The following UBE2D2 variants were observed in gnomAD, a reference collection of about 807,000 sequenced individuals.
The protein encoded by UBE2D2 is ubiquitin-conjugating enzyme E2 D2.
A neutral mutation model predicts 24.2 loss-of-function variants in UBE2D2; 2 were observed. That is an observed-to-expected ratio of 0.08 (90% CI 0.03 to 0.26). UBE2D2 has a LOEUF of 0.26. Among genes scored for constraint, UBE2D2 ranks in the 10% least tolerant of loss-of-function variants. The pLI is 1.00. For synonymous variants in UBE2D2, 58 were observed against 56.5 expected (o/e 1.03, Z -0.12); for missense variants, 44 against 177.6 (o/e 0.25, Z 4.28).
intron 5 of UBE2D2, among the ~76,000 whole-genome samples, chr5:139,621,510 A>G (rs974751984): frequency 2.6e-5 from 4 of 152,250 alleles, no homozygotes; most frequent in African/African-American, 7.2e-5. Context: ...ATTGTTTTCA[A>G]CTGAAAATTA....
In UBE2D2 at chr5:139,550,596, T is replaced by C. The variant is rs78147393; in HGVS notation, c.-64+23984T>C. Among the ~76,000 whole-genome samples the C allele has an allele frequency of 3.9e-4, 60 of 152,134 alleles. No homozygotes were observed. In the East Asian group the frequency reaches 8.9e-3, roughly 23 times the overall value. Reference sequence around the variant, plus strand: ...TATGGGAGTTTTGTTTTTTTGATCTTTGAGATAACTTGCTGCTGCTCATTC... The same window carrying C: ...TATGGGAGTTTTGTTTTTTTGATCTCTGAGATAACTTGCTGCTGCTCATTC... On this transcript the variant is annotated intron_variant, in intron 1 of 6. Transcript: ENST00000511725.
intron 1 of UBE2D2, among the ~76,000 whole-genome samples, chr5:139,555,965 G>A (rs539498776): frequency 6.9e-6 from 1 of 144,594 alleles, no homozygotes; most frequent in African/African-American, 2.6e-5. Flanking sequence ...GGCCAGGCAC[G>A]GTGGCTCACA....
chr5:139,537,184 C>CA lies in UBE2D2; in HGVS notation c.-64+10586dup, dbSNP rs60623030. Among the ~76,000 whole-genome samples, 343 of 75,140 alleles carry CA rather than the reference C, an allele frequency of 4.6e-3. 1 individual carries two copies. Among genetic ancestry groups the CA allele is most frequent in the Middle Eastern group, 8.9e-3 (1 of 112 alleles). 49.3% of individuals were successfully genotyped at this position (75,140 alleles called of 152,430 possible). A position where few individuals can be genotyped will look rare whatever the true frequency, so the allele number is the denominator to read the frequency against. On this transcript the variant is annotated intron_variant, in intron 1 of 6. Transcript: ENST00000511725. The stretch of plus-strand genomic sequence containing the variant: ...GGAGACAGAGCGAGACTCTGTCTCA[C>CA]AAAAAAAAAAAAAACAACAAAAAGT...
At chr5:139,620,520 A>G (rs1190214387) in intron 5 of UBE2D2, among the ~76,000 whole-genome samples, 3 of 152,328 alleles carry the variant, frequency 2.0e-5, no homozygotes, top group African/African-American at 7.2e-5. Flanking sequence ...ACACCTGACA[A>G]TAGGAAAATG....
At chr5:139,625,461 T>C (rs1175998857) in intron 6 of UBE2D2, among the ~76,000 whole-genome samples, 3 of 114,968 alleles carry the variant, frequency 2.6e-5, no homozygotes, top group African/African-American at 9.7e-5. Context: ...TTTTTTTTTT[T>C]GAGGCAGGGT....
At position 139,584,128 on chromosome 5, in the gene UBE2D2, T is replaced by C. The variant is rs1053076262; in HGVS notation, c.25-16244T>C. On this transcript the variant is annotated intron_variant, in intron 1 of 6. Transcript: ENST00000398733. ...CTTCCAGTCTTGCAGACTTTGTTCA[T>C]GATGAGTGCCCTATAGAGGTGTGCC... Among the ~76,000 whole-genome samples the C allele has an allele frequency of 5.3e-5, 8 of 152,216 alleles. No homozygotes were observed. The East Asian group carries it at 1.5e-3, about 29-fold the overall frequency.
intron 1 of UBE2D2, among the ~76,000 whole-genome samples, chr5:139,532,458 T>G (rs1309360208): frequency 1.3e-5 from 2 of 151,984 alleles, no homozygotes; most frequent in East Asian, 3.9e-4. Context: ...TTCACGCCAT[T>G]CTCTTGCCTC....
chr5:139,588,911 A>G (rs1268427320), intron 1 of UBE2D2, among the ~76,000 whole-genome samples: 2 of 152,064 alleles, frequency 1.3e-5, no homozygotes, highest in Admixed American at 6.6e-5. Context: ...CCAGCGACTC[A>G]GCCTCCTGAA....
chr5:139,578,674 A>G (rs1249873579), intron 1 of UBE2D2, among the ~76,000 whole-genome samples: 2 of 152,022 alleles, frequency 1.3e-5, no homozygotes, highest in African/African-American at 4.8e-5. Context: ...GCTGCTCTCA[A>G]ACTCCTGTAT....
chr5:139,561,176 G>T (rs550433454), upstream of UBE2D2: 4 of 152,764 alleles, frequency 2.6e-5, no homozygotes, highest in African/African-American at 9.6e-5. Flanking sequence ...GCTTCGCAGC[G>T]TCACGCCCTC....
chr5:139,551,142 C>G (rs558701511), intron 1 of UBE2D2, among the ~76,000 whole-genome samples: 2 of 152,010 alleles, frequency 1.3e-5, no homozygotes, highest in Non-Finnish European at 2.9e-5. Context: ...GTCAGGAGTT[C>G]GAGACCAGCC....
At chr5:139,586,594 T>A (rs905153564) in intron 1 of UBE2D2, among the ~76,000 whole-genome samples, 2 of 152,132 alleles carry the variant, frequency 1.3e-5, no homozygotes, top group Non-Finnish European at 2.9e-5. Context: ...TGAAACCCTG[T>A]CTCTACTAAA....
At chr5:139,585,180 G>T (rs1252438647) in intron 1 of UBE2D2, among the ~76,000 whole-genome samples, 3 of 149,802 alleles carry the variant, frequency 2.0e-5, no homozygotes, top group Admixed American at 2.0e-4. Context: ...GATTACAGGT[G>T]TGAGCCACGG....
In UBE2D2 at chr5:139,600,395, C is replaced by T; in HGVS notation, c.48C>T (p.Asp16=). 6.2e-7 allele frequency: 1 copy of T among 1,614,018 alleles called. No homozygotes were observed. The highest frequency in any genetic ancestry group is 8.5e-7 in the Non-Finnish European group (1 of 1,180,000). Residue 16 remains aspartate (D), a synonymous_variant, in exon 2 of 7, where the codon GAC becomes GAT. Coordinates refer to ENST00000398733, the MANE Select transcript of UBE2D2 (RefSeq NM_003339.3). ...IHKELNDLAR[D]PPAQCSAGPV... ...AGGAATTGAATGATCTGGCACGGGACCCTCCAGCACAGTGTTCAGCAGGTC... is the reference window on the plus strand; with the variant it reads ...AGGAATTGAATGATCTGGCACGGGATCCTCCAGCACAGTGTTCAGCAGGTC...
chr5:139,594,884 T>C (rs1753928446), intron 1 of UBE2D2, among the ~76,000 whole-genome samples: 1 of 152,154 alleles, frequency 6.6e-6, no homozygotes, highest in Non-Finnish European at 1.5e-5. Flanking sequence ...GTCCCTGATA[T>C]AAAATGGCAT....
intron 1 of UBE2D2, among the ~76,000 whole-genome samples, chr5:139,579,546 T>C (rs1753549961): frequency 6.6e-6 from 1 of 152,238 alleles, no homozygotes; most frequent in South Asian, 2.1e-4. Flanking sequence ...CACCTTGGCC[T>C]CCCAAAGTGC....
At position 139,536,610 on chromosome 5, in the gene UBE2D2, C is replaced by T. The variant is rs1002343805; in HGVS notation, c.-64+9998C>T. Among the ~76,000 whole-genome samples the T allele has an allele frequency of 4.6e-5, 7 of 152,240 alleles. No homozygotes were observed. The South Asian group carries it at 1.2e-3, about 27-fold the overall frequency. Reference sequence around the variant, plus strand: ...AGCTCAGGCAATTCACCCCCCTCAGCTTCCCAAAGTGCTAGGATTACAGGT... The same window carrying T: ...AGCTCAGGCAATTCACCCCCCTCAGTTTCCCAAAGTGCTAGGATTACAGGT... On this transcript the variant is annotated intron_variant, in intron 1 of 6. Transcript: ENST00000511725.
At chr5:139,609,805 A>C (rs1754274945) in intron 2 of UBE2D2, among the ~76,000 whole-genome samples, 2 of 131,544 alleles carry the variant, frequency 1.5e-5, no homozygotes, top group African/African-American at 5.8e-5. Context: ...GGAGTCTCGC[A>C]CTGTTGCCCA....
At chr5:139,594,428 G>A (rs982759746) in intron 1 of UBE2D2, among the ~76,000 whole-genome samples, 14 of 151,126 alleles carry the variant, frequency 9.3e-5, no homozygotes, top group African/African-American at 2.9e-4. Context: ...AAAAAATTTT[G>A]TTTTTTTGAG....
Sources: gnomAD v4.1 joint callset for allele counts (sites outside exome capture counted in the v4.1 genomes callset) on GRCh38, gnomAD v4.1.1 for gene constraint, MANE v1.5 for transcripts, NCBI Gene and HGNC (gene_info 2026-07-23, HGNC 2026-07-21) for gene names.